Variants in ST6GALNAC3 observed in about 807,000 individuals in gnomAD.
The protein encoded by ST6GALNAC3 is alpha-N-acetylgalactosaminide alpha-2,6-sialyltransferase 3.
Under a neutral mutation model 32.7 loss-of-function variants are expected in ST6GALNAC3, and 25 were observed. That is an observed-to-expected ratio of 0.76 (90% CI 0.56 to 1.07). The LOEUF (loss-of-function observed/expected upper bound fraction) is 1.07, where lower values mean the gene tolerates loss of function less well. ST6GALNAC3 is among the 50% of genes least tolerant of loss of function. The probability of loss-of-function intolerance (pLI) is 0.00; values close to 1 mark genes in which losing one functional copy is unlikely to be tolerated. For missense variants in ST6GALNAC3, 355 were observed against 382.4 expected, an observed-to-expected ratio of 0.93 and a Z score of 0.60; for synonymous variants, 129 against 133.1, an observed-to-expected ratio of 0.97 and a Z score of 0.21.
chr1:76,079,481 G>A (rs1365902347), intron 1 of ST6GALNAC3, among the ~76,000 whole-genome samples: 1 of 152,114 alleles, frequency 6.6e-6, no homozygotes, highest in Non-Finnish European at 1.5e-5. Flanking sequence ...ATTGGAAGTG[G>A]ACATTGAGTG....
At chr1:76,432,629 ATT>A (rs1655845609) in intron 3 of ST6GALNAC3, among the ~76,000 whole-genome samples, 1 of 150,674 alleles carries the variant, frequency 6.6e-6, no homozygotes, top group Non-Finnish European at 1.5e-5. Context: ...TAATTTTTAA[ATT>A]TTTTTTGTAA....
At chr1:76,215,391 C>A (rs1296135122) in intron 1 of ST6GALNAC3, among the ~76,000 whole-genome samples, 3 of 152,118 alleles carry the variant, frequency 2.0e-5, no homozygotes, top group African/African-American at 7.2e-5. Flanking sequence ...CAGAGTAGCA[C>A]ATCAGAACGC....
intron 1 of ST6GALNAC3, among the ~76,000 whole-genome samples, chr1:76,245,001 A>G (rs1325497796): frequency 6.6e-6 from 1 of 152,164 alleles, no homozygotes; most frequent in Non-Finnish European, 1.5e-5. Flanking sequence ...TAGCTTCAGA[A>G]GCAATGGTAT....
chr1:76,089,797 T>G (rs1647018968), intron 1 of ST6GALNAC3, among the ~76,000 whole-genome samples: 1 of 152,208 alleles, frequency 6.6e-6, no homozygotes, highest in African/African-American at 2.4e-5. Flanking sequence ...CAGCTGTCTG[T>G]GAGTCCTGCC....
intron 1 of ST6GALNAC3, among the ~76,000 whole-genome samples, chr1:76,242,284 AGGAAAACCCTGG>A (rs935134018): frequency 6.6e-6 from 1 of 152,138 alleles, no homozygotes; most frequent in Non-Finnish European, 1.5e-5. Flanking sequence ...AATGAGATAA[AGGAAAACCCTGG>A]GGGAGAGGAG....
At chr1:76,217,841 A>G (rs751833974) in intron 1 of ST6GALNAC3, among the ~76,000 whole-genome samples, 2 of 152,178 alleles carry the variant, frequency 1.3e-5, no homozygotes, top group Non-Finnish European at 2.9e-5. Flanking sequence ...TGTGAATGCC[A>G]TTATGTTATT....
At chr1:76,331,459 C>T (rs1460444762) in intron 2 of ST6GALNAC3, among the ~76,000 whole-genome samples, 1 of 152,134 alleles carries the variant, frequency 6.6e-6, no homozygotes, top group Non-Finnish European at 1.5e-5. Context: ...TGAATAGAAC[C>T]TTTGCTCCAC....
intron 2 of ST6GALNAC3, among the ~76,000 whole-genome samples, chr1:76,399,488 G>A (rs1282796132): frequency 1.3e-5 from 2 of 152,138 alleles, no homozygotes; most frequent in African/African-American, 4.8e-5. Flanking sequence ...TATGTTGCAT[G>A]GGTCAATGTG....
chr1:76,561,053 G>A (rs1665214610), intron 3 of ST6GALNAC3, among the ~76,000 whole-genome samples: 2 of 152,128 alleles, frequency 1.3e-5, no homozygotes, highest in African/African-American at 4.8e-5. Context: ...GCAGCAACAC[G>A]GATGGAACTG....
chr1:76,604,976 A>G (rs560642169), intron 3 of ST6GALNAC3, among the ~76,000 whole-genome samples: 2 of 152,296 alleles, frequency 1.3e-5, no homozygotes, highest in East Asian at 3.9e-4. Flanking sequence ...TCTGTCACCA[A>G]TATTTCCCAT....
At position 76,629,011 on chromosome 1, in the gene ST6GALNAC3, T is replaced by C; in HGVS notation, c.*205T>C. On this transcript the variant is annotated 3_prime_UTR_variant, in exon 5 of 5. Transcript: ENST00000328299. ...GAGGATGGTTGTGCTCATGATGTTC[T>C]TTCTGGAGGTTCAACACTACGTACC... 1 of 1,376,772 alleles carries C rather than the reference T, an allele frequency of 7.3e-7. No individual in the cohort carries two copies. The highest frequency in any genetic ancestry group is 9.3e-7 in the Non-Finnish European group (1 of 1,070,604). 85.3% of individuals were successfully genotyped at this position (1,376,772 alleles called of 1,614,324 possible).
intron 1 of ST6GALNAC3, among the ~76,000 whole-genome samples, chr1:76,298,730 T>A (rs993330057): frequency 6.6e-6 from 1 of 152,106 alleles, no homozygotes; most frequent in African/African-American, 2.4e-5. Context: ...AGTATTTTTT[T>A]CTTTCACAGT....
At chr1:76,295,144 C>T (rs1439818413) in intron 1 of ST6GALNAC3, among the ~76,000 whole-genome samples, 2 of 151,392 alleles carry the variant, frequency 1.3e-5, no homozygotes, top group Non-Finnish European at 2.9e-5. Context: ...TTCTTTTTCT[C>T]TATGAGGCTT....
intron 2 of ST6GALNAC3, among the ~76,000 whole-genome samples, chr1:76,387,629 G>C (rs975883246): frequency 1.3e-5 from 2 of 151,916 alleles, no homozygotes; most frequent in African/African-American, 4.8e-5. Flanking sequence ...TTGAAGACTG[G>C]ATTTTGAATG....
chr1:76,312,884 T>C (rs1646793433), intron 1 of ST6GALNAC3, among the ~76,000 whole-genome samples: 1 of 152,170 alleles, frequency 6.6e-6, no homozygotes, highest in Admixed American at 6.6e-5. Context: ...TTCCTCTCTC[T>C]GGAAAGCTCT....
intron 3 of ST6GALNAC3, among the ~76,000 whole-genome samples, chr1:76,570,627 C>T (rs1665805837): frequency 6.6e-6 from 1 of 152,042 alleles, no homozygotes; most frequent in Non-Finnish European, 1.5e-5. Flanking sequence ...AATAAACTTG[C>T]CAATGACATC....
At chr1:76,537,042 T>C (rs1463847236) in intron 3 of ST6GALNAC3, among the ~76,000 whole-genome samples, 1 of 152,228 alleles carries the variant, frequency 6.6e-6, no homozygotes, top group Admixed American at 6.5e-5. Context: ...TACGTTCTTC[T>C]CAGTGCCACA....
At chr1:76,208,048 C>T (rs200947422) in intron 1 of ST6GALNAC3, among the ~76,000 whole-genome samples, 50 of 145,750 alleles carry the variant, frequency 3.4e-4, no homozygotes, top group Admixed American at 8.7e-4. Flanking sequence ...AGTGCCCCCC[C>T]CCCCAAAAAA....
intron 3 of ST6GALNAC3, among the ~76,000 whole-genome samples, chr1:76,592,998 CTT>C (rs11303222): frequency 1.3e-5 from 2 of 148,606 alleles, no homozygotes; most frequent in Non-Finnish European, 3.0e-5. Context: ...TTTTGTCCTC[CTT>C]TTTTTTTTGT....
Sources: gnomAD v4.1 joint callset for allele counts (sites outside exome capture counted in the v4.1 genomes callset) on GRCh38, gnomAD v4.1.1 for gene constraint, MANE v1.5 for transcripts, NCBI Gene and HGNC (gene_info 2026-07-23, HGNC 2026-07-21) for gene names.